Variants in TULP2 observed in about 807,000 individuals in gnomAD.
TULP2 encodes the protein TUB like protein 2.
A neutral mutation model predicts 60.3 loss-of-function variants in TULP2; 64 were observed. That is an observed-to-expected ratio of 1.06 (90% CI 0.87 to 1.31). The LOEUF (loss-of-function observed/expected upper bound fraction) is 1.31. Among genes scored for constraint, TULP2 ranks in the 50% most tolerant of loss-of-function variants. The probability of loss-of-function intolerance (pLI) is 0.00; values close to 1 mark genes in which losing one functional copy is unlikely to be tolerated. For missense variants in TULP2, 652 were observed against 667.0 expected, an observed-to-expected ratio of 0.98 and a Z score of 0.25; for synonymous variants, 267 against 265.4, an observed-to-expected ratio of 1.01 and a Z score of -0.06.
chr19:48,889,556 G>T lies in TULP2; in HGVS notation c.590C>A (p.Pro197His). 1 of 1,586,532 alleles carries T rather than the reference G, an allele frequency of 6.3e-7. No individual in the cohort carries two copies. Among genetic ancestry groups the T allele is most frequent in the Non-Finnish European group, 8.6e-7 (1 of 1,157,736 alleles). The change falls in exon 7 of 13, where the codon CCT becomes CAT. Residue 197 changes from proline (P) to histidine (H), a missense_variant. Physicochemically the swap from Pro to His is moderately conservative, Grantham distance 77. Coordinates refer to ENST00000221399, the MANE Select transcript of TULP2 (RefSeq NM_003323.3). ...AHKSPNMGPN[P>H]GMDGDCVYEN... is the part of the protein sequence containing the mutation. ...ATATACACAGTCACCATCCATTCCA[G>T]GGTTTGGTCCCATATTGGGTGACTT...
At chr19:48,896,731 T>C (rs73061695) in intron 3 of TULP2, 175 bp from the exon 4 acceptor site, 90,580 of 729,274 alleles carry the variant, frequency 0.12, 6,673 homozygotes, top group Non-Finnish European at 0.15. Flanking sequence ...TATTCCACCG[T>C]TGGACTCAGA....
In TULP2 at chr19:48,897,776, G is replaced by A; in HGVS notation, c.32+61C>T. ...CAAACATGGTTATGAAGCCAGAGCC[G>A]AGTGCACGGGGTCCCCAGCCCTTTC... On this transcript the variant is annotated intron_variant, in intron 2 of 12. Coordinates refer to ENST00000221399, the MANE Select transcript of TULP2 (RefSeq NM_003323.3). The surrounding 1 kb of genome is among the most constrained non-coding windows in gnomAD (Gnocchi z 4.0). The A allele has an allele frequency of 1.9e-6, 3 of 1,561,938 alleles. No homozygotes were observed. Among genetic ancestry groups the A allele is most frequent in the Non-Finnish European group, 2.6e-6 (3 of 1,133,782 alleles).
Position 48,895,581 on chromosome 19 carries a change from C to G in TULP2, c.212-78G>C, listed in dbSNP as rs111233080. ...AACCAAAATCCACCCCGTCACTGGG[C>G]TCCCAAATATCACCCCCGCCAGGCG... On this transcript the variant is annotated intron_variant, in intron 4 of 12. Transcript: ENST00000221399. 5.7e-4 allele frequency: 872 copies of G among 1,533,704 alleles called. 7 individuals are homozygous for G. In the African/African-American group the frequency reaches 0.01, roughly 18 times the overall value.
At chr19:48,893,157 C>G (rs527744827) in intron 6 of TULP2, among the ~76,000 whole-genome samples, 1 of 152,108 alleles carries the variant, frequency 6.6e-6, no homozygotes, top group Non-Finnish European at 1.5e-5. Context: ...ATCACAAGTT[C>G]AGGAGTTTGA....
chr19:48,892,515 T>TG (rs371148187), intron 6 of TULP2, among the ~76,000 whole-genome samples: 136 of 134,294 alleles, frequency 1.0e-3, no homozygotes, highest in African/African-American at 3.1e-3. Flanking sequence ...TTTTTTTTTT[T>TG]GGGGGGGGGA....
chr19:48,882,457 G>A (rs2037143291), intron 11 of TULP2, among the ~76,000 whole-genome samples: 1 of 152,098 alleles, frequency 6.6e-6, no homozygotes. Flanking sequence ...TAGCACTTGA[G>A]CATAAATTTA....
At chr19:48,893,463 C>A (rs931214182) in intron 6 of TULP2, among the ~76,000 whole-genome samples, 1 of 151,738 alleles carries the variant, frequency 6.6e-6, no homozygotes, top group African/African-American at 2.4e-5. Context: ...TACAGAATAG[C>A]CAAATCTAAG....
Position 48,897,453 on chromosome 19 carries a change from G to A in TULP2, c.33-57C>T, listed in dbSNP as rs10401537. 1 of 1,576,854 alleles carries A rather than the reference G, an allele frequency of 6.3e-7. No homozygotes were observed. The highest frequency in any genetic ancestry group is 1.4e-5 in the African/African-American group (1 of 74,020). On this transcript the variant is annotated intron_variant, in intron 2 of 12. Transcript: ENST00000221399. The surrounding 1 kb of genome is among the most constrained non-coding windows in gnomAD (Gnocchi z 4.0). ...CACAGGGAACCTCGGTTGCCCAAGA[G>A]AGTCCCTCCTTCCCCCATCCTGCCC...
chr19:48,881,502 C>G (rs1261037686), intron 12 of TULP2, among the ~76,000 whole-genome samples: 1 of 151,624 alleles, frequency 6.6e-6, no homozygotes, highest in Non-Finnish European at 1.5e-5. Context: ...CTGCCTCAGC[C>G]TCCTGATTAG....
intron 6 of TULP2, among the ~76,000 whole-genome samples, chr19:48,892,096 G>A (rs2037238187): frequency 6.6e-6 from 1 of 152,228 alleles, no homozygotes; most frequent in South Asian, 2.1e-4. Flanking sequence ...ACGTGCAGGA[G>A]ACAGATGCCT....
intron 7 of TULP2, 50 bp downstream of exon 7, chr19:48,889,460 G>C (rs747183850): frequency 1.3e-6 from 2 of 1,542,024 alleles, no homozygotes; most frequent in Admixed American, 3.5e-5. Context: ...CCAGAGGTCC[G>C]AGGCTAGCCC....
Position 48,883,699 on chromosome 19 carries a change from A to T in TULP2, c.1275+55T>A, listed in dbSNP as rs994217061. On this transcript the variant is annotated intron_variant, in intron 11 of 12. Coordinates refer to ENST00000221399, the MANE Select transcript of TULP2 (RefSeq NM_003323.3). The stretch of plus-strand genomic sequence containing the variant: ...TCTTCCTCCTCTGGGATCTAGGAGG[A>T]CCGGCCCCAGCCCCTTCTCCATTGA... 14 of 1,594,974 alleles carry T rather than the reference A, an allele frequency of 8.8e-6. No individual in the cohort carries two copies. In the African/African-American group the frequency reaches 1.9e-4, roughly 21 times the overall value.
At chr19:48,888,729 C>A (rs1011708844) in intron 7 of TULP2, among the ~76,000 whole-genome samples, 8 of 152,106 alleles carry the variant, frequency 5.3e-5, no homozygotes, top group Non-Finnish European at 1.0e-4. Flanking sequence ...TCAAGCAATT[C>A]TCCTGCCTCA....
In TULP2 at chr19:48,881,147, A is replaced by G. The variant is rs2037126234; in HGVS notation, c.1448-21T>C. The stretch of plus-strand genomic sequence containing the variant: ...TTCTTCTGAGAAGTGAATCAGGAAC[A>G]AAGCCTTAGCCTGACTCTCTCATCT... On this transcript the variant is annotated intron_variant, in intron 12 of 12. Transcript: ENST00000221399. The G allele has an allele frequency of 1.9e-6, 3 of 1,586,256 alleles. No individual in the cohort carries two copies. In the East Asian group the frequency reaches 6.7e-5, roughly 36 times the overall value.
chr19:48,887,449 C>T (rs1205444122), intron 8 of TULP2, among the ~76,000 whole-genome samples: 2 of 150,648 alleles, frequency 1.3e-5, no homozygotes, highest in African/African-American at 2.4e-5. Flanking sequence ...CTCAGCCTCC[C>T]GAGTAGCTTG....
At position 48,893,372 on chromosome 19, in the gene TULP2, G is replaced by GA. The variant is rs377709619; in HGVS notation, c.514+1625dup. On this transcript the variant is annotated intron_variant, in intron 6 of 12. Coordinates refer to ENST00000221399, the MANE Select transcript of TULP2 (RefSeq NM_003323.3). ...GAGACAGAGCAAGACTCTGCCTCAA[G>GA]AAAAAAAAAAAAAAAGGAATTGAAG... Among the ~76,000 whole-genome samples, 236 of 91,878 alleles carry GA rather than the reference G, an allele frequency of 2.6e-3. 1 individual carries two copies. The highest frequency in any genetic ancestry group is 2.9e-3 in the Non-Finnish European group (123 of 42,004). The allele number at this position is 91,878 out of a possible 152,430, so 60.3% of individuals were successfully genotyped here. A position where few individuals can be genotyped will look rare whatever the true frequency, so the allele number is the denominator to read the frequency against.
At chr19:48,889,139 G>A (rs1330025952) in intron 7 of TULP2, among the ~76,000 whole-genome samples, 1 of 151,488 alleles carries the variant, frequency 6.6e-6, no homozygotes, top group Non-Finnish European at 1.5e-5. Context: ...ACCACACCTG[G>A]CTAATTTTTG....
chr19:48,881,530 C>T lies in TULP2; in HGVS notation c.1448-404G>A, dbSNP rs560281286. On this transcript the variant is annotated intron_variant, in intron 12 of 12. Transcript: ENST00000221399. ...CTGATTAGCTGGGACTACAGGTGAC[C>T]ACCACTACACCCAGCTAATTTTTTC... Among the ~76,000 whole-genome samples, 14 of 152,034 alleles carry T rather than the reference C, an allele frequency of 9.2e-5. No individual in the cohort carries two copies. The East Asian group carries it at 2.3e-3, about 25-fold the overall frequency.
At chr19:48,886,280 CAG>C (rs1359374030) in intron 8 of TULP2, among the ~76,000 whole-genome samples, 2 of 141,142 alleles carry the variant, frequency 1.4e-5, no homozygotes, top group African/African-American at 5.3e-5. Context: ...CACTGGGCGA[CAG>C]AGCAAGACTA....
Sources: allele counts gnomAD v4.1 joint callset (sites outside exome capture counted in the v4.1 genomes callset), GRCh38; gene constraint gnomAD v4.1.1; non-coding constraint Gnocchi (gnomAD v3.1); transcripts MANE v1.5; gene names NCBI Gene and HGNC (gene_info 2026-07-23, HGNC 2026-07-21).